Variants in EXPH5 observed in about 807,000 individuals in gnomAD.
EXPH5 encodes exophilin-5.
EXPH5 carries 42 observed loss-of-function variants against 41.1 expected under a neutral mutation model. That is an observed-to-expected ratio of 1.02 (90% CI 0.80 to 1.32). EXPH5 has a LOEUF of 1.32. EXPH5 is among the 40% of genes most tolerant of loss of function. EXPH5 has a pLI of 0.00. For synonymous variants in EXPH5, 798 were observed against 833.5 expected, an observed-to-expected ratio of 0.96 and a Z score of 0.73; for missense variants, 2,298 against 2,314.5, an observed-to-expected ratio of 0.99 and a Z score of 0.15.
chr11:108,597,455 T>C (rs900265583), upstream of EXPH5, among the ~76,000 whole-genome samples: 5 of 152,222 alleles, frequency 3.3e-5, no homozygotes, highest in Admixed American at 2.6e-4. Flanking sequence ...TTAACATAGT[T>C]TGCTTTATCA....
intron 1 of EXPH5, among the ~76,000 whole-genome samples, chr11:108,577,032 T>A (rs1305283678): frequency 6.6e-6 from 1 of 152,238 alleles, no homozygotes; most frequent in Non-Finnish European, 1.5e-5. Flanking sequence ...TATCTTCCAG[T>A]TCCATCTATA....
At chr11:108,521,220 G>A (rs1047193176) in intron 4 of EXPH5, among the ~76,000 whole-genome samples, 2 of 152,138 alleles carry the variant, frequency 1.3e-5, no homozygotes, top group Non-Finnish European at 2.9e-5. Context: ...AAGACCACAT[G>A]TCGATCCTTT....
At chr11:108,589,467 A>C (rs553698938) in intron 1 of EXPH5, among the ~76,000 whole-genome samples, 8 of 152,340 alleles carry the variant, frequency 5.3e-5, no homozygotes, top group African/African-American at 1.4e-4. Flanking sequence ...CAAGGATATT[A>C]GTGTAAATCA....
intron 4 of EXPH5, among the ~76,000 whole-genome samples, chr11:108,527,078 G>A (rs774130867): frequency 2.0e-5 from 3 of 152,158 alleles, no homozygotes; most frequent in Non-Finnish European, 4.4e-5. Context: ...CCAGCACTTT[G>A]GGAAGCTGAG....
At chr11:108,524,434 G>A (rs1452952978) in intron 4 of EXPH5, among the ~76,000 whole-genome samples, 3 of 152,194 alleles carry the variant, frequency 2.0e-5, no homozygotes, top group Non-Finnish European at 2.9e-5. Context: ...GAAGACTCCT[G>A]TTGATGCTGG....
chr11:108,547,212 G>C (rs767387111), intron 1 of EXPH5, among the ~76,000 whole-genome samples: 10 of 151,632 alleles, frequency 6.6e-5, no homozygotes, highest in Non-Finnish European at 4.4e-5. Flanking sequence ...ATTTTTTCTA[G>C]AGACAGGGTC....
the EXPH5 span, among the ~76,000 whole-genome samples, chr11:108,606,537 A>T: frequency 1.3e-5 from 2 of 152,102 alleles, no homozygotes; most frequent in African/African-American, 4.8e-5. Context: ...ACCTTTTTTT[A>T]AAAAAATGGA....
upstream of EXPH5, among the ~76,000 whole-genome samples, chr11:108,595,446 A>C (rs1442657474): frequency 2.0e-5 from 3 of 152,152 alleles, no homozygotes; most frequent in Non-Finnish European, 4.4e-5. Flanking sequence ...AGGCAAGGGG[A>C]TCAGCGTGCT....
intron 1 of EXPH5, among the ~76,000 whole-genome samples, chr11:108,577,824 T>G (rs2094084962): frequency 6.6e-6 from 1 of 152,374 alleles, no homozygotes. Context: ...CATATGCCTA[T>G]TGGCCACTTG....
rs1416881407 is a variant in EXPH5 at position 108,512,404 on chromosome 11, G to C, written c.3103C>G (p.Gln1035Glu). 2 of 1,610,018 alleles carry C rather than the reference G, an allele frequency of 1.2e-6. No individual in the cohort carries two copies. The highest frequency in any genetic ancestry group is 8.5e-7 in the Non-Finnish European group (1 of 1,178,694). Reference protein sequence around the residue: ...KSSSFLIHGRQSGSKIMAASL... With the variant: ...KSSSFLIHGRESGSKIMAASL... Reference sequence around the variant, plus strand: ...GCAGCCATTATTTTACTTCCTGACTGCCTGCCATGTATGAGAAAACTGCTT... The same window carrying C: ...GCAGCCATTATTTTACTTCCTGACTCCCTGCCATGTATGAGAAAACTGCTT... The change falls in exon 6 of 6, where the codon CAG becomes GAG. Residue 1035 changes from glutamine to glutamate, a missense_variant. Coordinates refer to ENST00000265843, the MANE Select transcript of EXPH5 (RefSeq NM_015065.3).
intron 5 of EXPH5, among the ~76,000 whole-genome samples, chr11:108,515,829 T>C (rs1378199494): frequency 6.6e-6 from 1 of 152,068 alleles, no homozygotes; most frequent in South Asian, 2.1e-4. Flanking sequence ...TCCCAGCACT[T>C]TGGGAGGCCG....
chr11:108,524,895 C>A (rs962283279), intron 4 of EXPH5, among the ~76,000 whole-genome samples: 7 of 152,162 alleles, frequency 4.6e-5, no homozygotes, highest in African/African-American at 1.7e-4. Context: ...GGATACACAG[C>A]CTGATATGGT....
intron 1 of EXPH5, among the ~76,000 whole-genome samples, chr11:108,552,918 G>A (rs898928203): frequency 4.6e-5 from 7 of 151,946 alleles, no homozygotes; most frequent in East Asian, 3.9e-4. Flanking sequence ...AAAAAAGGCC[G>A]GGTGCGGTGG....
At chr11:108,601,722 TTTTTCTTTCTTTCTTTTC>T in the EXPH5 span, among the ~76,000 whole-genome samples, 2 of 151,964 alleles carry the variant, frequency 1.3e-5, no homozygotes, top group African/African-American at 4.8e-5. Flanking sequence ...TTTCCTTTCT[TTTTTCTTTCTTTCTTTTC>T]TTTTCTTTCT....
chr11:108,574,090 T>C (rs925756814), intron 1 of EXPH5, among the ~76,000 whole-genome samples: 3 of 150,832 alleles, frequency 2.0e-5, no homozygotes, highest in Admixed American at 6.6e-5. Context: ...TTTTTTTTTT[T>C]AGTAGAGACG....
chr11:108,594,617 A>T (rs1234447979), upstream of EXPH5, among the ~76,000 whole-genome samples: 1 of 152,224 alleles, frequency 6.6e-6, no homozygotes, highest in Non-Finnish European at 1.5e-5. Context: ...CTTTTACAGA[A>T]AACATGTTTT....
upstream of EXPH5, among the ~76,000 whole-genome samples, chr11:108,595,740 G>C (rs1031808223): frequency 6.6e-6 from 1 of 152,222 alleles, no homozygotes; most frequent in African/African-American, 2.4e-5. Context: ...GCATTGTGGG[G>C]ACAGTAGTGA....
In EXPH5 at chr11:108,507,617, G is replaced by A. The variant is rs1368835921; in HGVS notation, c.*1920C>T. Reference sequence around the variant, plus strand: ...GTTCTGCATGGCAAATAAAGAGTTAGGAAAGCCAAAATATCAGTGGGTATC... The same window carrying A: ...GTTCTGCATGGCAAATAAAGAGTTAAGAAAGCCAAAATATCAGTGGGTATC... On this transcript the variant is annotated 3_prime_UTR_variant, in exon 6 of 6. Coordinates refer to ENST00000265843, the MANE Select transcript of EXPH5 (RefSeq NM_015065.3). 1.3e-5 allele frequency: 2 copies of A among 152,106 alleles called. No individual in the cohort carries two copies. The highest frequency in any genetic ancestry group is 1.3e-4 in the Admixed American group (2 of 15,270). The allele number at this position is 152,106 out of a possible 1,614,324, so 9.4% of individuals were successfully genotyped here. A position where few individuals can be genotyped will look rare whatever the true frequency, so the allele number is the denominator to read the frequency against.
upstream of EXPH5, among the ~76,000 whole-genome samples, chr11:108,594,137 T>A (rs180992074): frequency 1.1e-4 from 16 of 152,300 alleles, no homozygotes; most frequent in East Asian, 3.1e-3. Context: ...AAGGGTTACT[T>A]ATCTGAAAGA....
Sources: gnomAD v4.1 joint callset for allele counts (sites outside exome capture counted in the v4.1 genomes callset) on GRCh38, gnomAD v4.1.1 for gene constraint, MANE v1.5 for transcripts, NCBI Gene and HGNC (gene_info 2026-07-23, HGNC 2026-07-21) for gene names.